RBBP8: variants seen among roughly 807,000 people sequenced by gnomAD.
RBBP8 encodes RB binding protein 8, endonuclease.
RBBP8 carries 88 observed loss-of-function variants against 108.3 expected under a neutral mutation model. The observed-to-expected ratio is 0.81, with a 90% CI of 0.68 to 0.97. The LOEUF (loss-of-function observed/expected upper bound fraction) is 0.97. RBBP8 is among the 50% of genes least tolerant of loss of function. The probability of loss-of-function intolerance (pLI) is 0.00; values close to 1 mark genes in which losing one functional copy is unlikely to be tolerated. For missense variants in RBBP8, 1,023 were observed against 1,049.0 expected (o/e 0.98, Z 0.34); for synonymous variants, 332 against 348.2 (o/e 0.95, Z 0.52).
intron 6 of RBBP8, among the ~76,000 whole-genome samples, chr18:22,981,729 T>C (rs1229658340): frequency 6.6e-6 from 1 of 152,238 alleles, no homozygotes; most frequent in Non-Finnish European, 1.5e-5. Flanking sequence ...CCTGGACTAT[T>C]ATAGCCACTA....
In RBBP8 at chr18:22,975,256, T is replaced by G. The variant is rs2336916; in HGVS notation, c.428+37T>G. 9.9e-6 allele frequency: 16 copies of G among 1,608,738 alleles called. No individual in the cohort carries two copies. In the African/African-American group the frequency reaches 2.1e-4, roughly 21 times the overall value. The stretch of plus-strand genomic sequence containing the variant: ...CCTCCAACCTTGTTATTTTATTTTA[T>G]TTAGCTATACAAACCATGAAGATAA... On this transcript the variant is annotated intron_variant, in intron 6 of 18. Transcript: ENST00000327155.
chr18:23,000,691 A>G (rs1481036729), intron 14 of RBBP8, among the ~76,000 whole-genome samples: 2 of 151,616 alleles, frequency 1.3e-5, no homozygotes, highest in East Asian at 1.9e-4. Flanking sequence ...CAGTGAGCCA[A>G]TATCGCCTCA....
rs946293091 is a variant in RBBP8, at chr18:23,016,923, T to C, written c.2453T>C (p.Ile818Thr). Residue 818 changes from isoleucine to threonine, a missense_variant and splice_region_variant, in exon 17 of 19, where the codon ATT becomes ACT. Physicochemically the swap from Ile to Thr is moderately conservative, Grantham distance 89. Transcript: ENST00000327155. Reference protein sequence around the residue: ...LLGHTCKECEIYYADMPAEER... With the variant: ...LLGHTCKECETYYADMPAEER... The stretch of plus-strand genomic sequence containing the variant: ...GGGCACACGTGTAAGGAATGTGAAA[T>C]TGTAAGTACTAATGTAGATACTAAT... 1 of 1,605,216 alleles carries C rather than the reference T, an allele frequency of 6.2e-7. No individual in the cohort carries two copies. Among genetic ancestry groups the C allele is most frequent in the Non-Finnish European group, 8.5e-7 (1 of 1,172,162 alleles).
intron 16 of RBBP8, among the ~76,000 whole-genome samples, chr18:23,008,914 C>T (rs2046107728): frequency 6.6e-6 from 1 of 151,532 alleles, no homozygotes; most frequent in Non-Finnish European, 1.5e-5. Context: ...GCTGGGACTA[C>T]AGGCGCCCAC....
At chr18:22,997,916 C>T (rs1310727459) in intron 14 of RBBP8, among the ~76,000 whole-genome samples, 182 bp downstream of exon 14, 2 of 152,116 alleles carry the variant, frequency 1.3e-5, no homozygotes, top group African/African-American at 4.8e-5. Context: ...AAGTCTTTAA[C>T]CAAACTAATT....
intron 15 of RBBP8, among the ~76,000 whole-genome samples, chr18:23,002,404 C>G (rs2045964032): frequency 6.6e-6 from 1 of 151,756 alleles, no homozygotes; most frequent in Non-Finnish European, 1.5e-5. Flanking sequence ...GACCCTGTCT[C>G]AAAAAAATAA....
intron 6 of RBBP8, among the ~76,000 whole-genome samples, chr18:22,978,338 A>G (rs1196482154): frequency 6.6e-6 from 1 of 152,214 alleles, no homozygotes; most frequent in Non-Finnish European, 1.5e-5. Flanking sequence ...AATTAATTTA[A>G]CCAAAAGCTG....
chr18:22,991,817 G>A (rs1915721909), intron 10 of RBBP8, among the ~76,000 whole-genome samples: 1 of 152,072 alleles, frequency 6.6e-6, no homozygotes. Flanking sequence ...TATTTATATA[G>A]CATTTTGCTT....
chr18:22,948,669 C>G (rs763613819), intron 3 of RBBP8, among the ~76,000 whole-genome samples: 1 of 152,170 alleles, frequency 6.6e-6, no homozygotes, highest in Non-Finnish European at 1.5e-5. Context: ...CACTTTGACA[C>G]AATCATTTTG....
intron 2 of RBBP8, among the ~76,000 whole-genome samples, chr18:22,939,948 T>C (rs1224700503): frequency 6.6e-6 from 1 of 152,170 alleles, no homozygotes; most frequent in African/African-American, 2.4e-5. Flanking sequence ...GTAGAGAGAA[T>C]AGCACATGCA....
In RBBP8 at chr18:22,950,565, T is replaced by A. The variant is rs1211017001; in HGVS notation, c.248+852T>A. Among the ~76,000 whole-genome samples the A allele has an allele frequency of 2.0e-4, 15 of 73,750 alleles. No individual in the cohort carries two copies. The Admixed American group carries it at 2.8e-3, about 14-fold the overall frequency. The allele number at this position is 73,750 out of a possible 152,430, so 48.4% of individuals were successfully genotyped here. On this transcript the variant is annotated intron_variant, in intron 4 of 18. Coordinates refer to ENST00000327155, the MANE Select transcript of RBBP8 (RefSeq NM_002894.3). Reference sequence around the variant, plus strand: ...CAGCCTGGGTGACAGAGCAAGACCGTGTCTCCAAAAAAAAAAAAAAAATAC... The same window carrying A: ...CAGCCTGGGTGACAGAGCAAGACCGAGTCTCCAAAAAAAAAAAAAAAATAC...
intron 17 of RBBP8, among the ~76,000 whole-genome samples, chr18:23,021,062 TG>T (rs1181974586): frequency 1.3e-5 from 2 of 152,226 alleles, no homozygotes; most frequent in African/African-American, 2.4e-5. Flanking sequence ...GTGATATCTT[TG>T]GCAAATTACC....
chr18:22,998,493 T>C (rs2144730898), intron 14 of RBBP8, among the ~76,000 whole-genome samples: 1 of 152,348 alleles, frequency 6.6e-6, no homozygotes, highest in Middle Eastern at 3.4e-3. Flanking sequence ...TTCCTAACTG[T>C]AGAGGCACAT....
At chr18:22,985,085 G>T (rs939466761) in intron 8 of RBBP8, 95 bp downstream of exon 8, 386 of 1,512,836 alleles carry the variant, frequency 2.6e-4, no homozygotes, top group Non-Finnish European at 3.2e-4. Context: ...TATTTTAAAG[G>T]TATTTTCCAT....
chr18:22,979,381 C>T (rs1247677495), intron 6 of RBBP8, among the ~76,000 whole-genome samples: 1 of 151,314 alleles, frequency 6.6e-6, no homozygotes, highest in African/African-American at 2.4e-5. Flanking sequence ...AAAGATTGTT[C>T]CTTGGTATAA....
At chr18:22,983,810 G>A (rs1386659674) in intron 7 of RBBP8, among the ~76,000 whole-genome samples, 1 of 48,744 alleles carries the variant, frequency 2.1e-5, no homozygotes, top group Non-Finnish European at 1.0e-4. Flanking sequence ...GGCCGGGCAC[G>A]GTGGCTCACA....
In RBBP8 at chr18:22,933,575, G is replaced by C. The variant is rs972080003; in HGVS notation, c.-99+11G>C. 2 of 152,962 alleles carry C rather than the reference G, an allele frequency of 1.3e-5. No homozygotes were observed. Among genetic ancestry groups the C allele is most frequent in the African/African-American group, 4.9e-5 (2 of 41,008 alleles). 9.5% of individuals were successfully genotyped at this position (152,962 alleles called of 1,614,324 possible). On this transcript the variant is annotated intron_variant, in intron 1 of 18. Coordinates refer to ENST00000327155, the MANE Select transcript of RBBP8 (RefSeq NM_002894.3). Reference sequence around the variant, plus strand: ...GCAATCTCGGAGGCGGTGAGTAAAAGCAATCTCTTTACCCCACCCGGAGCT... The same window carrying C: ...GCAATCTCGGAGGCGGTGAGTAAAACCAATCTCTTTACCCCACCCGGAGCT...
chr18:22,979,716 A>G (rs117082787), intron 6 of RBBP8, among the ~76,000 whole-genome samples: 1,743 of 152,326 alleles, frequency 0.011, 20 homozygotes, highest in Admixed American at 0.029. Context: ...TCACAATTCA[A>G]TTCAAACCCA....
intron 4 of RBBP8, among the ~76,000 whole-genome samples, chr18:22,959,688 T>G (rs1912899277): frequency 6.6e-6 from 1 of 151,784 alleles, no homozygotes; most frequent in Non-Finnish European, 1.5e-5. Flanking sequence ...TCCAAGAACT[T>G]TTTATTATTT....
Sources: allele counts gnomAD v4.1 joint callset (sites outside exome capture counted in the v4.1 genomes callset), GRCh38; gene constraint gnomAD v4.1.1; transcripts MANE v1.5; gene names NCBI Gene and HGNC (gene_info 2026-07-23, HGNC 2026-07-21).